The following P2RX5 variants were observed in gnomAD, a reference collection of about 807,000 sequenced individuals.
P2RX5 encodes the protein purinergic receptor P2X 5, also known as P2X purinoceptor 5.
P2RX5 carries 46 observed loss-of-function variants against 54.1 expected under a neutral mutation model. The ratio of observed to expected loss-of-function variants is 0.85; its 90% CI spans 0.67 to 1.09. The LOEUF is 1.09. Among genes scored for constraint, P2RX5 ranks in the 50% least tolerant of loss-of-function variants. The probability of loss-of-function intolerance (pLI) is 0.00; values close to 1 mark genes in which losing one functional copy is unlikely to be tolerated. For missense variants in P2RX5, 566 were observed against 549.8 expected, an observed-to-expected ratio of 1.03 and a Z score of -0.29; for synonymous variants, 226 against 226.4, an observed-to-expected ratio of 1.00 and a Z score of 0.02.
At chr17:3,723,430 G>A in the P2RX5 span, 14 of 1,400,184 alleles carry the variant, frequency 1.0e-5, no homozygotes, top group Admixed American at 3.3e-5. Context: ...CGTGCGGAAA[G>A]TCTGAAATCT....
intron 1 of P2RX5, 21 bp downstream of exon 1, chr17:3,695,848 A>T (rs763331951): frequency 1.5e-6 from 2 of 1,359,852 alleles, no homozygotes; most frequent in Non-Finnish European, 2.0e-6. Flanking sequence ...CCGCCTTCCC[A>T]AAAGTCCGCG....
intron 1 of P2RX5, among the ~76,000 whole-genome samples, chr17:3,694,404 C>T (rs1174208012): frequency 6.6e-6 from 1 of 152,138 alleles, no homozygotes; most frequent in African/African-American, 2.4e-5. Flanking sequence ...CAGGGTTTCT[C>T]CATGTTGGCC....
the P2RX5 span, among the ~76,000 whole-genome samples, chr17:3,706,889 C>T: frequency 9.0e-4 from 137 of 152,300 alleles, no homozygotes; most frequent in African/African-American, 2.9e-3. Flanking sequence ...GGATTACAGG[C>T]GTGCGCCACT....
the P2RX5 span, chr17:3,720,281 C>T: frequency 8.6e-7 from 1 of 1,163,372 alleles, no homozygotes; most frequent in Non-Finnish European, 1.3e-6. Context: ...TCCTTGGGCA[C>T]TACTCAGAAG....
chr17:3,689,770 G>A, intron 6 of P2RX5, 140 bp from the exon 7 acceptor site: 2 of 1,063,704 alleles, frequency 1.9e-6, no homozygotes, highest in Non-Finnish European at 1.4e-6. Context: ...AGGGGAAGGG[G>A]CGCCCCAGCA....
chr17:3,703,488 A>G, the P2RX5 span, among the ~76,000 whole-genome samples: 4 of 152,088 alleles, frequency 2.6e-5, no homozygotes, highest in Admixed American at 6.6e-5. Flanking sequence ...AGATCATGGC[A>G]CTGCACTTCA....
upstream of P2RX5, among the ~76,000 whole-genome samples, chr17:3,699,665 C>A (rs1597280690): frequency 1.3e-5 from 2 of 150,284 alleles, no homozygotes; most frequent in African/African-American, 2.5e-5. Context: ...ATTAGCCAGG[C>A]CTGGTGGCAC....
At chr17:3,720,317 T>C in the P2RX5 span, 1 of 1,551,680 alleles carries the variant, frequency 6.4e-7, no homozygotes, top group Non-Finnish European at 8.9e-7. Flanking sequence ...CTTAGTTCTG[T>C]GGTTCTCTGC....
At chr17:3,688,507 C>T in intron 8 of P2RX5, 119 bp downstream of exon 8, 1 of 1,101,648 alleles carries the variant, frequency 9.1e-7, no homozygotes, top group South Asian at 1.2e-5. Context: ...GGCCATCTGT[C>T]CCTGCACCTC....
rs2050302627 is a variant in P2RX5, at chr17:3,682,162, TG to T, written c.982-185del. 6.2e-6 allele frequency: 4 copies of T among 644,320 alleles called. No individual in the cohort carries two copies. In the South Asian group the frequency reaches 6.6e-5, roughly 11 times the overall value. 39.9% of individuals were successfully genotyped at this position (644,320 alleles called of 1,614,324 possible). The stretch of plus-strand genomic sequence containing the variant: ...CCGACACCACAGAGCTGGTCCATGG[TG>T]GAGCTCAAGCTGGACTGGAGCTCCC... On this transcript the variant is annotated intron_variant, in intron 9 of 11. Coordinates refer to ENST00000225328, the MANE Select transcript of P2RX5 (RefSeq NM_002561.4).
intron 1 of P2RX5, 126 bp from the exon 2 acceptor site, chr17:3,691,920 A>G (rs1597271590): frequency 5.4e-6 from 5 of 920,928 alleles, no homozygotes; most frequent in Non-Finnish European, 8.8e-6. Flanking sequence ...TCAGGGCTCC[A>G]CCTGTCCCAC....
the P2RX5 span, among the ~76,000 whole-genome samples, chr17:3,707,742 T>G: frequency 6.6e-6 from 1 of 151,872 alleles, no homozygotes; most frequent in Non-Finnish European, 1.5e-5. Context: ...TGCAACTGGC[T>G]GCGGGGTCCT....
At chr17:3,702,901 G>A in the P2RX5 span, among the ~76,000 whole-genome samples, 2 of 152,236 alleles carry the variant, frequency 1.3e-5, no homozygotes, top group East Asian at 3.9e-4. Flanking sequence ...TATTATTGTG[G>A]TCTGGACCCA....
In P2RX5 at chr17:3,695,970, C is replaced by T; in HGVS notation, c.36G>A (p.Ser12=). 15 of 1,614,068 alleles carry T rather than the reference C, an allele frequency of 9.3e-6. No homozygotes were observed. The highest frequency in any genetic ancestry group is 1.3e-5 in the Non-Finnish European group (15 of 1,179,952). ...ACTTCTCGGTCTTGTAGTCGAACAG[C>T]GACAGGCAGAGCCCCTTGCAGCCCG... ...GQAGCKGLCL[S]LFDYKTEKYV... is the part of the protein sequence containing the mutation. Residue 12 remains serine, a synonymous_variant, in exon 1 of 12, where the codon TCG becomes TCA. Coordinates refer to ENST00000225328, the MANE Select transcript of P2RX5 (RefSeq NM_002561.4).
chr17:3,688,165 C>T, intron 8 of P2RX5, 60 bp from the exon 9 acceptor site: 1 of 900,600 alleles, frequency 1.1e-6, no homozygotes, highest in Non-Finnish European at 1.8e-6. Context: ...CTTTAGGCAG[C>T]ACTGATGTGG....
At chr17:3,717,164 A>G in the P2RX5 span, 11 of 181,520 alleles carry the variant, frequency 6.1e-5, no homozygotes, top group Non-Finnish European at 1.3e-4. Flanking sequence ...TATGTCCCTG[A>G]GCCCCGTGCC....
the P2RX5 span, among the ~76,000 whole-genome samples, chr17:3,708,905 T>C: frequency 6.6e-6 from 1 of 152,018 alleles, no homozygotes; most frequent in Non-Finnish European, 1.5e-5. Context: ...TACTTAGATA[T>C]AAATATATAT....
intron 10 of P2RX5, among the ~76,000 whole-genome samples, chr17:3,680,945 GCGTCCTC>G (rs2050258613): frequency 1.5e-5 from 2 of 135,866 alleles, no homozygotes; most frequent in African/African-American, 5.9e-5. Flanking sequence ...CCTCCACCCT[GCGTCCTC>G]CACCCAGCGT....
At chr17:3,699,850 GAAAA>G (rs61413924), upstream of P2RX5, among the ~76,000 whole-genome samples, 1 of 78,490 alleles carries the variant, frequency 1.3e-5, no homozygotes, top group African/African-American at 4.3e-5. Context: ...GAAAGAAAAA[GAAAA>G]AAGAAAGAAA....
Sources: allele counts gnomAD v4.1 joint callset (sites outside exome capture counted in the v4.1 genomes callset), GRCh38; gene constraint gnomAD v4.1.1; transcripts MANE v1.5; gene names NCBI Gene and HGNC (gene_info 2026-07-23, HGNC 2026-07-21).